The following CIMIP2A variants were observed in gnomAD, a reference collection of about 807,000 sequenced individuals.
CIMIP2A encodes the protein ciliary microtubule inner protein 2A.
the CIMIP2A span, chr9:137,247,611 C>T: frequency 6.4e-7 from 1 of 1,572,432 alleles, no homozygotes; most frequent in Middle Eastern, 1.7e-4. Context: ...GCCATTCTCC[C>T]CCTCCTGCAG....
At chr9:137,252,770 G>C in the CIMIP2A span, 3 of 1,561,290 alleles carry the variant, frequency 1.9e-6, no homozygotes, top group Admixed American at 1.9e-5. Flanking sequence ...CACCCACCTA[G>C]GGCTGCCTGG....
chr9:137,247,793 G>T, the CIMIP2A span: 1 of 1,437,614 alleles, frequency 7.0e-7, no homozygotes, highest in Non-Finnish European at 9.7e-7. Flanking sequence ...TCCTGTCACC[G>T]GGCAACCATT....
At chr9:137,245,524 C>T in the CIMIP2A span, 1 of 1,613,778 alleles carries the variant, frequency 6.2e-7, no homozygotes, top group Non-Finnish European at 8.5e-7. Context: ...TGGGAGCTGG[C>T]CCAGAATCTC....
At chr9:137,252,761 A>G in the CIMIP2A span, 11 of 1,560,988 alleles carry the variant, frequency 7.0e-6, no homozygotes, top group Middle Eastern at 5.0e-4. Context: ...TGAAGGCCAC[A>G]CCCACCTAGG....
the CIMIP2A span, chr9:137,245,584 G>T: frequency 1.2e-6 from 2 of 1,613,658 alleles, no homozygotes; most frequent in Non-Finnish European, 1.7e-6. Flanking sequence ...GCCTGTGAGT[G>T]CCGGGACAGG....
At chr9:137,244,001 C>G in the CIMIP2A span, among the ~76,000 whole-genome samples, 3 of 152,102 alleles carry the variant, frequency 2.0e-5, no homozygotes, top group African/African-American at 7.2e-5. Flanking sequence ...CAGTGACCCC[C>G]CTTCCAAAAG....
chr9:137,252,817 C>T, the CIMIP2A span: 1 of 1,567,974 alleles, frequency 6.4e-7, no homozygotes, highest in South Asian at 1.2e-5. Flanking sequence ...AGCCCCAGTC[C>T]CTGCTTCAGG....
chr9:137,243,913 T>C, the CIMIP2A span: 2 of 1,146,206 alleles, frequency 1.7e-6, no homozygotes, highest in African/African-American at 3.0e-5. Flanking sequence ...GTGGGGAACT[T>C]GCTTGTTGAA....
the CIMIP2A span, chr9:137,251,795 A>G: frequency 6.3e-7 from 1 of 1,596,322 alleles, no homozygotes; most frequent in Non-Finnish European, 8.5e-7. Context: ...GGGATGAGAC[A>G]CAGCCCCCAA....
the CIMIP2A span, chr9:137,251,486 C>A: frequency 9.1e-7 from 1 of 1,095,936 alleles, no homozygotes; most frequent in Non-Finnish European, 1.3e-6. Flanking sequence ...GCTGGGCAGG[C>A]GGCTGGGGGA....
the CIMIP2A span, chr9:137,244,768 A>G: frequency 2.3e-5 from 37 of 1,603,908 alleles, no homozygotes; most frequent in Admixed American, 2.7e-4. Flanking sequence ...GGCTACCCCA[A>G]GCCCCCTTAG....
the CIMIP2A span, chr9:137,251,818 T>A: frequency 1.2e-6 from 2 of 1,603,452 alleles, no homozygotes; most frequent in Non-Finnish European, 1.7e-6. Context: ...ATGAAGGAGA[T>A]CCCAGTTGGC....
At chr9:137,252,840 C>T in the CIMIP2A span, 15 of 1,573,550 alleles carry the variant, frequency 9.5e-6, no homozygotes, top group Non-Finnish European at 1.2e-5. Flanking sequence ...TCTTTGCAGG[C>T]ACCTGGCAAG....
chr9:137,254,072 C>T, the CIMIP2A span, among the ~76,000 whole-genome samples: 1 of 152,206 alleles, frequency 6.6e-6, no homozygotes, highest in African/African-American at 2.4e-5. Context: ...CCAAGGCTGC[C>T]ACCTTGCAGG....
At chr9:137,251,362 G>T in the CIMIP2A span, 1 of 1,613,312 alleles carries the variant, frequency 6.2e-7, no homozygotes. Flanking sequence ...CTGGACCCAT[G>T]GTCACCTGAG....
At chr9:137,252,212 G>A in the CIMIP2A span, 2 of 1,542,870 alleles carry the variant, frequency 1.3e-6, no homozygotes, top group South Asian at 1.2e-5. Flanking sequence ...CCTCTGTGCT[G>A]AAACCCCCAC....
chr9:137,245,292 G>A, the CIMIP2A span: 3 of 1,580,830 alleles, frequency 1.9e-6, no homozygotes, highest in East Asian at 4.5e-5. Flanking sequence ...TGGCACTGGT[G>A]CATCCCCTGG....
At chr9:137,252,027 G>C in the CIMIP2A span, 2 of 1,612,560 alleles carry the variant, frequency 1.2e-6, no homozygotes, top group Admixed American at 3.3e-5. Context: ...CCTGATCACA[G>C]CTGACCTGGA....
the CIMIP2A span, chr9:137,244,812 G>C: frequency 6.3e-7 from 1 of 1,581,278 alleles, no homozygotes; most frequent in Non-Finnish European, 8.6e-7. Context: ...GCCCTCAGAC[G>C]TGTCAGGGAA....
Sources: allele counts gnomAD v4.1 joint callset (sites outside exome capture counted in the v4.1 genomes callset), GRCh38; gene constraint gnomAD v4.1.1; transcripts MANE v1.5; gene names NCBI Gene and HGNC (gene_info 2026-07-23, HGNC 2026-07-21).